PAK3: variants seen among roughly 807,000 people sequenced by gnomAD.
The protein encoded by PAK3 is serine/threonine-protein kinase PAK 3.
A neutral mutation model predicts 41.0 loss-of-function variants in PAK3; 4 were observed. That is an observed-to-expected ratio of 0.10 (90% CI 0.05 to 0.22). The LOEUF is 0.22. PAK3 is among the 10% of genes least tolerant of loss of function. The pLI is 1.00. For missense variants in PAK3, 205 were observed against 409.9 expected (o/e 0.50, Z 4.32); for synonymous variants, 146 against 139.6 (o/e 1.05, Z -0.32).
At chrX:110,986,103 A>T (rs2091537765) in intron 1 of PAK3, among the ~76,000 whole-genome samples, 1 of 112,030 alleles carries the variant, frequency 8.9e-6, no homozygotes, top group Non-Finnish European at 1.9e-5. Context: ...TTAAAAGCTG[A>T]GATATCCTGT....
chrX:111,092,275 C>A (rs781086303), upstream of PAK3, among the ~76,000 whole-genome samples: 1 of 111,964 alleles, frequency 8.9e-6, no homozygotes, highest in Non-Finnish European at 1.9e-5. Context: ...AACATACAAA[C>A]AAGACAGTAG....
chrX:110,990,286 C>A (rs1376162723), intron 1 of PAK3, among the ~76,000 whole-genome samples: 1 of 111,900 alleles, frequency 8.9e-6, no homozygotes, highest in Non-Finnish European at 1.9e-5. Context: ...TATAAGAGCA[C>A]CTTGGAAACA....
intron 1 of PAK3, among the ~76,000 whole-genome samples, chrX:110,953,569 A>AT (rs1190758411): frequency 1.8e-5 from 2 of 112,203 alleles, no homozygotes; most frequent in Non-Finnish European, 3.8e-5. Context: ...TTCTTAGGTG[A>AT]TTTGGGAGAA....
chrX:111,163,372 A>T (rs924635054), intron 9 of PAK3, among the ~76,000 whole-genome samples, 190 bp from the exon 10 acceptor site: 1 of 111,521 alleles, frequency 9.0e-6, no homozygotes, highest in African/African-American at 3.3e-5. Context: ...TTAGCAAGGC[A>T]TGTATAGGGA....
At chrX:110,947,495 C>A (rs2090643353) in intron 1 of PAK3, among the ~76,000 whole-genome samples, 1 of 111,424 alleles carries the variant, frequency 9.0e-6, no homozygotes. Flanking sequence ...AGACTAGTTC[C>A]ATAGAATGTT....
chrX:111,178,878 CA>C (rs1260679884), intron 11 of PAK3, among the ~76,000 whole-genome samples: 1 of 108,513 alleles, frequency 9.2e-6, no homozygotes, highest in African/African-American at 3.3e-5. Context: ...AACACTGCCC[CA>C]GCATATATGC....
chrX:111,069,196 G>A (rs1338142892), intron 1 of PAK3, among the ~76,000 whole-genome samples: 1 of 112,010 alleles, frequency 8.9e-6, no homozygotes, highest in Non-Finnish European at 1.9e-5. Context: ...GAAAGAAGGT[G>A]TTTGTCTTAT....
chrX:111,022,965 ATGTGC>A (rs2092211278), intron 1 of PAK3, among the ~76,000 whole-genome samples: 2 of 110,676 alleles, frequency 1.8e-5, no homozygotes, highest in African/African-American at 6.6e-5. Context: ...ATAGGTATAC[ATGTGC>A]TGTGTTGGTT....
intron 17 of PAK3, among the ~76,000 whole-genome samples, chrX:111,220,032 CTAAA>C (rs1353884719): frequency 9.0e-6 from 1 of 111,551 alleles, no homozygotes; most frequent in African/African-American, 3.3e-5. Context: ...TAGTGGTTAA[CTAAA>C]TATACTTTTT....
At chrX:111,183,453 C>T (rs2149283708) in intron 11 of PAK3, among the ~76,000 whole-genome samples, 1 of 111,600 alleles carries the variant, frequency 9.0e-6, no homozygotes, top group African/African-American at 3.3e-5. Context: ...ATCTTTCTGG[C>T]TCCCTCATTC....
intron 1 of PAK3, among the ~76,000 whole-genome samples, chrX:111,024,981 C>G (rs966263556): frequency 3.6e-5 from 4 of 111,252 alleles, no homozygotes; most frequent in Non-Finnish European, 7.6e-5. Flanking sequence ...AGTTGGAAAT[C>G]AACTCCAAAA....
At chrX:111,141,335 GAC>G (rs1399759236) in intron 5 of PAK3, among the ~76,000 whole-genome samples, 1 of 111,312 alleles carries the variant, frequency 9.0e-6, no homozygotes, top group African/African-American at 3.3e-5. Context: ...ACTTGAAAAA[GAC>G]AATGATTTTT....
At chrX:111,178,052 G>A (rs1290348314) in intron 11 of PAK3, among the ~76,000 whole-genome samples, 1 of 111,311 alleles carries the variant, frequency 9.0e-6, no homozygotes, top group Non-Finnish European at 1.9e-5. Flanking sequence ...TAGCAGTTAA[G>A]AATCAGGTTC....
intron 1 of PAK3, among the ~76,000 whole-genome samples, chrX:111,012,337 G>A (rs2092023048): frequency 8.9e-6 from 1 of 111,823 alleles, no homozygotes; most frequent in Non-Finnish European, 1.9e-5. Flanking sequence ...GTTGTAAAGA[G>A]TGGGCATCCA....
chrX:111,002,416 C>T (rs969481652), intron 1 of PAK3, among the ~76,000 whole-genome samples: 1 of 111,659 alleles, frequency 9.0e-6, no homozygotes, highest in Non-Finnish European at 1.9e-5. Context: ...GCAGGACACA[C>T]ATGCTCTGAA....
intron 1 of PAK3, among the ~76,000 whole-genome samples, chrX:111,087,550 CTTTG>C (rs988998294): frequency 1.4e-4 from 16 of 110,459 alleles, no homozygotes; most frequent in East Asian, 8.5e-4. Context: ...CACATATTAA[CTTTG>C]TTTGTAAATT....
At chrX:111,212,090 C>T (rs758548621) in intron 16 of PAK3, among the ~76,000 whole-genome samples, 1 of 110,997 alleles carries the variant, frequency 9.0e-6, no homozygotes, top group Admixed American at 9.6e-5. Flanking sequence ...GGGTGTGGAG[C>T]GGGGAAGATT....
intron 6 of PAK3, chrX:111,146,603 C>T: frequency 8.0e-6 from 7 of 878,167 alleles, no homozygotes; most frequent in Non-Finnish European, 1.1e-5. Context: ...CATCAAAGTG[C>T]TTCTTTGAGA....
At chrX:111,137,314 C>A (rs780492487) in intron 5 of PAK3, among the ~76,000 whole-genome samples, 1 of 111,455 alleles carries the variant, frequency 9.0e-6, no homozygotes, top group African/African-American at 3.3e-5. Flanking sequence ...TCTAAGGAAG[C>A]GGTACCCTCA....
Sources: allele counts gnomAD v4.1 joint callset (sites outside exome capture counted in the v4.1 genomes callset), GRCh38; gene constraint gnomAD v4.1.1; transcripts MANE v1.5; gene names NCBI Gene and HGNC (gene_info 2026-07-23, HGNC 2026-07-21).